The following NCAM2 variants were observed in gnomAD, a reference collection of about 807,000 sequenced individuals.
The protein encoded by NCAM2 is neural cell adhesion molecule 2.
A neutral mutation model predicts 98.1 loss-of-function variants in NCAM2; 30 were observed. The observed-to-expected ratio is 0.31, with a 90% CI of 0.23 to 0.41. The LOEUF (loss-of-function observed/expected upper bound fraction) is 0.41. Among genes scored for constraint, NCAM2 ranks in the 10% least tolerant of loss-of-function variants. The pLI is 1.00. For synonymous variants in NCAM2, 368 were observed against 342.4 expected (o/e 1.07, Z -0.83); for missense variants, 867 against 1,005.8 (o/e 0.86, Z 1.87).
At chr21:21,323,380 C>G (rs2074427336) in intron 5 of NCAM2, among the ~76,000 whole-genome samples, 1 of 152,138 alleles carries the variant, frequency 6.6e-6, no homozygotes, top group South Asian at 2.1e-4. Flanking sequence ...GTTCTTATCT[C>G]TACCATCAAT....
At chr21:21,494,878 G>C (rs1261421845) in intron 15 of NCAM2, among the ~76,000 whole-genome samples, 1 of 140,804 alleles carries the variant, frequency 7.1e-6, no homozygotes, top group Non-Finnish European at 1.5e-5. Flanking sequence ...TCACAAAAGA[G>C]CTGTTATGTA....
intron 9 of NCAM2, among the ~76,000 whole-genome samples, chr21:21,406,494 G>A (rs910936433): frequency 3.3e-5 from 5 of 152,128 alleles, no homozygotes; most frequent in Non-Finnish European, 7.4e-5. Context: ...CAAGGTCAAG[G>A]CCTAGTTGAA....
At chr21:21,288,047 A>G (rs1411693633) in intron 4 of NCAM2, among the ~76,000 whole-genome samples, 1 of 151,904 alleles carries the variant, frequency 6.6e-6, no homozygotes, top group Non-Finnish European at 1.5e-5. Context: ...TCTTATATAA[A>G]AAGCATAGTA....
intron 1 of NCAM2, among the ~76,000 whole-genome samples, chr21:21,175,593 G>T (rs1355734926): frequency 6.6e-6 from 1 of 152,148 alleles, no homozygotes; most frequent in Non-Finnish European, 1.5e-5. Flanking sequence ...ATAGCAAGAA[G>T]TGGATTAATT....
intron 4 of NCAM2, among the ~76,000 whole-genome samples, chr21:21,291,436 GAA>G (rs1316375523): frequency 6.6e-6 from 1 of 151,678 alleles, no homozygotes; most frequent in Non-Finnish European, 1.5e-5. Context: ...CACAATCAGT[GAA>G]TGCAGGCTGT....
chr21:21,505,545 C>G (rs555447067), intron 15 of NCAM2, among the ~76,000 whole-genome samples: 1 of 151,932 alleles, frequency 6.6e-6, no homozygotes, highest in South Asian at 2.1e-4. Flanking sequence ...CTAAAAAGGT[C>G]ACAGGATGAA....
intron 1 of NCAM2, among the ~76,000 whole-genome samples, chr21:21,250,274 C>A (rs981418939): frequency 6.6e-6 from 1 of 152,152 alleles, no homozygotes; most frequent in Non-Finnish European, 1.5e-5. Flanking sequence ...TTGTTACAAG[C>A]ACTATGGTCC....
intron 1 of NCAM2, among the ~76,000 whole-genome samples, chr21:21,170,660 T>C (rs2068092627): frequency 6.6e-6 from 1 of 152,196 alleles, no homozygotes. Context: ...GTGGAATTAC[T>C]CTGTTTGATA....
chr21:21,507,812 A>G (rs1988088163), intron 15 of NCAM2, among the ~76,000 whole-genome samples: 1 of 151,394 alleles, frequency 6.6e-6, no homozygotes, highest in Admixed American at 6.6e-5. Flanking sequence ...AAAAAAGACT[A>G]AACTGTTATG....
At chr21:21,322,756 G>C (rs1232357283) in intron 5 of NCAM2, among the ~76,000 whole-genome samples, 1 of 152,120 alleles carries the variant, frequency 6.6e-6, no homozygotes, top group Non-Finnish European at 1.5e-5. Flanking sequence ...TCTGAGGGTT[G>C]AGGAAAGACT....
chr21:21,113,884 A>G, intron 1 of NCAM2, among the ~76,000 whole-genome samples: 1 of 152,190 alleles, frequency 6.6e-6, no homozygotes, highest in Middle Eastern at 3.4e-3. Flanking sequence ...ATATTGTTAG[A>G]TAGTCTTTAT....
intron 9 of NCAM2, among the ~76,000 whole-genome samples, chr21:21,403,147 G>GTT (rs552260405): frequency 2.0e-5 from 3 of 151,632 alleles, no homozygotes; most frequent in African/African-American, 7.3e-5. Flanking sequence ...CAGATTATGT[G>GTT]TTTTTTTTGC....
chr21:21,375,773 A>G (rs1473254000), intron 9 of NCAM2, among the ~76,000 whole-genome samples: 3 of 151,556 alleles, frequency 2.0e-5, no homozygotes, highest in Non-Finnish European at 3.0e-5. Flanking sequence ...GCATGCCAAG[A>G]TATGATTTAT....
In NCAM2 at chr21:21,062,801, C is replaced by T. The variant is rs557439306; in HGVS notation, c.55+64183C>T. ...AATAATCATACAATGTAAACATTTT[C>T]AGAAAAAAATTCCTAAGTTTATCAG... On this transcript the variant is annotated intron_variant, in intron 1 of 17. Transcript: ENST00000400546. Among the ~76,000 whole-genome samples, 120 of 152,150 alleles carry T rather than the reference C, an allele frequency of 7.9e-4. 1 individual carries two copies. The highest frequency in any genetic ancestry group is 3.1e-3 in the Admixed American group (48 of 15,282).
At chr21:21,229,979 T>A (rs2147179017) in intron 1 of NCAM2, among the ~76,000 whole-genome samples, 1 of 151,512 alleles carries the variant, frequency 6.6e-6, no homozygotes, top group African/African-American at 2.4e-5. Flanking sequence ...CAAGAACTGT[T>A]CTAACAGATT....
intron 1 of NCAM2, among the ~76,000 whole-genome samples, chr21:21,034,054 G>GC (rs1197196654): frequency 1.4e-5 from 2 of 147,862 alleles, no homozygotes; most frequent in Admixed American, 1.3e-4. Flanking sequence ...ATAGGCAAAG[G>GC]GGGGGGGGAA....
In NCAM2 at chr21:21,405,851, C is replaced by T. The variant is rs181141788; in HGVS notation, c.1196-4423C>T. Among the ~76,000 whole-genome samples the T allele has an allele frequency of 3.3e-5, 5 of 152,246 alleles. No homozygotes were observed. In the East Asian group the frequency reaches 9.6e-4, roughly 29 times the overall value. The stretch of plus-strand genomic sequence containing the variant: ...ATTTCTAAACTACAATCTAGGGAAT[C>T]TTCTTTGACTTTCTGATAATGAAGC... On this transcript the variant is annotated intron_variant, in intron 9 of 17. Coordinates refer to ENST00000400546, the MANE Select transcript of NCAM2 (RefSeq NM_004540.5).
intron 1 of NCAM2, among the ~76,000 whole-genome samples, chr21:21,171,967 C>A (rs1014584181): frequency 6.6e-6 from 1 of 151,996 alleles, no homozygotes; most frequent in African/African-American, 2.4e-5. Flanking sequence ...TTTTAAAAAG[C>A]CTAATCACTG....
At chr21:21,125,714 T>TAGAGAG (rs71322026) in intron 1 of NCAM2, among the ~76,000 whole-genome samples, 21 of 134,382 alleles carry the variant, frequency 1.6e-4, no homozygotes, top group South Asian at 4.5e-4. Flanking sequence ...TATATATATA[T>TAGAGAG]AGAGAGAGAG....
Sources: allele counts gnomAD v4.1 joint callset (sites outside exome capture counted in the v4.1 genomes callset), GRCh38; gene constraint gnomAD v4.1.1; transcripts MANE v1.5; gene names NCBI Gene and HGNC (gene_info 2026-07-23, HGNC 2026-07-21).